Variants in CDCA7L observed in about 807,000 individuals in gnomAD.
CDCA7L encodes the protein cell division cycle-associated 7-like protein.
Under a neutral mutation model 57.4 loss-of-function variants are expected in CDCA7L, and 44 were observed. That is an observed-to-expected ratio of 0.77 (90% CI 0.60 to 0.98). The LOEUF is 0.98. Ranked by LOEUF, CDCA7L falls within the 50% of genes least tolerant of loss-of-function variation. CDCA7L has a pLI of 0.00. For synonymous variants in CDCA7L, 236 were observed against 202.8 expected (o/e 1.16, Z -1.39); for missense variants, 644 against 580.6 (o/e 1.11, Z -1.12).
In CDCA7L at chr7:21,908,464, A is replaced by C; in HGVS notation, c.347T>G (p.Val116Gly). 6.4e-7 allele frequency: 1 copy of C among 1,552,810 alleles called. No homozygotes were observed. Among genetic ancestry groups the C allele is most frequent in the Non-Finnish European group, 8.6e-7 (1 of 1,157,226 alleles). Residue 116 changes from valine to glycine, a missense_variant, in exon 4 of 10, where the codon GTG becomes GGG. Coordinates refer to ENST00000406877, the MANE Select transcript of CDCA7L (RefSeq NM_018719.5). Reference protein sequence around the residue: ...DLSDDGKASLVSEEEEDEEED... With the variant: ...DLSDDGKASLGSEEEEDEEED... ...TTCTTCATCTTCCTCTTCCTCGCTC[A>C]CCAAAGATGCTTTGCCATCATCACT...
At chr7:21,919,248 A>G (rs1003320997) in intron 1 of CDCA7L, among the ~76,000 whole-genome samples, 7 of 152,242 alleles carry the variant, frequency 4.6e-5, no homozygotes, top group Middle Eastern at 3.4e-3. Context: ...ATGTATATCC[A>G]TGGATTTCTA....
At chr7:21,926,999 C>G (rs1164620502) in intron 1 of CDCA7L, among the ~76,000 whole-genome samples, 1 of 152,184 alleles carries the variant, frequency 6.6e-6, no homozygotes, top group Admixed American at 6.5e-5. Flanking sequence ...CTTCAGTTTT[C>G]AGGGTCAGAA....
chr7:21,936,472 G>T (rs1786169514), intron 1 of CDCA7L, among the ~76,000 whole-genome samples: 1 of 152,068 alleles, frequency 6.6e-6, no homozygotes, highest in Non-Finnish European at 1.5e-5. Context: ...GATTATACAA[G>T]ATCACCAAGT....
chr7:21,904,301 C>CTGATGCCCAA, intron 7 of CDCA7L, 42 bp from the exon 8 acceptor site: 1 of 1,535,044 alleles, frequency 6.5e-7, no homozygotes, highest in East Asian at 2.3e-5. Flanking sequence ...CAGGGATATG[C>CTGATGCCCAA]TGATGCCCAA....
intron 1 of CDCA7L, among the ~76,000 whole-genome samples, chr7:21,943,401 T>C (rs1188491529): frequency 1.3e-5 from 2 of 152,250 alleles, no homozygotes; most frequent in South Asian, 2.1e-4. Context: ...GAAATTATAC[T>C]TACTCCAATG....
intron 1 of CDCA7L, among the ~76,000 whole-genome samples, chr7:21,933,230 GAA>G (rs1465072565): frequency 6.6e-6 from 1 of 152,202 alleles, no homozygotes; most frequent in African/African-American, 2.4e-5. Flanking sequence ...AACCATTGCA[GAA>G]GACAGTGTGG....
chr7:21,908,117 C>A lies in CDCA7L; in HGVS notation c.681+13G>T, dbSNP rs931543146. 4.6e-6 allele frequency: 7 copies of A among 1,509,750 alleles called. No individual in the cohort carries two copies. The highest frequency in any genetic ancestry group is 6.1e-6 in the Non-Finnish European group (7 of 1,140,486). 93.5% of individuals were successfully genotyped at this position (1,509,750 alleles called of 1,614,324 possible). On this transcript the variant is annotated intron_variant, in intron 4 of 9. Coordinates refer to ENST00000406877, the MANE Select transcript of CDCA7L (RefSeq NM_018719.5). ...TGGTGCCAACTCCCAGGACGCCCTC[C>A]GTGAAGCCTCACCATGGCTTTGTTC... is the stretch of plus-strand genomic sequence containing the variant.
At chr7:21,931,121 T>C (rs1785995659) in intron 1 of CDCA7L, among the ~76,000 whole-genome samples, 1 of 152,156 alleles carries the variant, frequency 6.6e-6, no homozygotes, top group Non-Finnish European at 1.5e-5. Context: ...AGTTCTGAAA[T>C]TGGGGCAGTA....
rs958424382 is a variant in CDCA7L, at chr7:21,902,160, T to TCTTTG, written c.*157_*161dup. ...TCTGCTCTGCTGTCTTCCTGAGAAATCTTTGTAAGCATATAAACAATCTTT... is the reference window on the plus strand; with the variant it reads ...TCTGCTCTGCTGTCTTCCTGAGAAATCTTTGCTTTGTAAGCATATAAACAATCTTT... On this transcript the variant is annotated 3_prime_UTR_variant, in exon 10 of 10. Coordinates refer to ENST00000406877, the MANE Select transcript of CDCA7L (RefSeq NM_018719.5). 4.3e-6 allele frequency: 3 copies of TCTTTG among 701,680 alleles called. No homozygotes were observed. The highest frequency in any genetic ancestry group is 7.5e-6 in the Non-Finnish European group (3 of 401,128). 43.5% of individuals were successfully genotyped at this position (701,680 alleles called of 1,614,324 possible). A position where few individuals can be genotyped will look rare whatever the true frequency, so the allele number is the denominator to read the frequency against.
rs768975435 is a variant in CDCA7L, at chr7:21,924,898, CAAAT to C, written c.25-8008_25-8005del. Among the ~76,000 whole-genome samples, 4 of 152,040 alleles carry C rather than the reference CAAAT, an allele frequency of 2.6e-5. No individual in the cohort carries two copies. The South Asian group carries it at 6.2e-4, about 24-fold the overall frequency. On this transcript the variant is annotated intron_variant, in intron 1 of 9. Coordinates refer to ENST00000406877, the MANE Select transcript of CDCA7L (RefSeq NM_018719.5). ...TTCTCATAATTCAATAAAAAGAAAA[CAAAT>C]AAATCAGATGGTCGACGAGTTAAAT...
At chr7:21,940,380 G>A (rs985352886) in intron 1 of CDCA7L, 105 of 820,298 alleles carry the variant, frequency 1.3e-4, no homozygotes, top group Non-Finnish European at 3.1e-5. Context: ...ATACTACTTT[G>A]CCCTTCCATC....
rs759666563 is a variant in CDCA7L at position 21,906,418 on chromosome 7, C to T, written c.792G>A (p.Gln264=). 1 of 1,612,234 alleles carries T rather than the reference C, an allele frequency of 6.2e-7. No individual in the cohort carries two copies. Among genetic ancestry groups the T allele is most frequent in the Non-Finnish European group, 8.5e-7 (1 of 1,178,942 alleles). The change falls in exon 6 of 10, where the codon CAG becomes CAA. Residue 264 remains glutamine (Q), a synonymous_variant. Transcript: ENST00000406877. Reference sequence around the variant, plus strand: ...GGGTTGGGTTCATACGCCGCGTGATCTGTCCCTCCGAGAAGGCCCGCCTCA... The same window carrying T: ...GGGTTGGGTTCATACGCCGCGTGATTTGTCCCTCCGAGAAGGCCCGCCTCA... ...KTVRRAFSEG[Q]ITRRMNPTRS...
At chr7:21,930,184 C>T (rs1206323996) in intron 1 of CDCA7L, among the ~76,000 whole-genome samples, 1 of 152,184 alleles carries the variant, frequency 6.6e-6, no homozygotes, top group Non-Finnish European at 1.5e-5. Flanking sequence ...CGCACAACTA[C>T]ATTGAAACTG....
intron 1 of CDCA7L, among the ~76,000 whole-genome samples, chr7:21,925,609 G>T (rs189929325): frequency 3.2e-4 from 48 of 152,304 alleles, no homozygotes; most frequent in African/African-American, 1.0e-3. Context: ...GGATTATCAG[G>T]CCAAGTGTGG....
At chr7:21,913,752 C>T (rs2128060805) in intron 2 of CDCA7L, among the ~76,000 whole-genome samples, 1 of 152,334 alleles carries the variant, frequency 6.6e-6, no homozygotes, top group South Asian at 2.1e-4. Flanking sequence ...CTATTTTGAT[C>T]CTGTGTGCTG....
intron 1 of CDCA7L, among the ~76,000 whole-genome samples, chr7:21,941,830 T>G (rs1786349970): frequency 6.6e-6 from 1 of 152,226 alleles, no homozygotes; most frequent in African/African-American, 2.4e-5. Context: ...TGATAACTTT[T>G]AAGTACTTAG....
chr7:21,937,639 TA>T (rs1201469968), intron 1 of CDCA7L, among the ~76,000 whole-genome samples: 2 of 142,866 alleles, frequency 1.4e-5, no homozygotes, highest in Non-Finnish European at 3.0e-5. Flanking sequence ...CTCCATCCCT[TA>T]AAAAAGAAAA....
rs1402918659 is a variant in CDCA7L at position 21,911,597 on chromosome 7, CTT to C, written c.303+18_303+19del. ...ATTAAAAACGTTACCACCCACATCCCTTCCTGTTGTAATTATTACCATTACTT... is the reference window on the plus strand; with the variant it reads ...ATTAAAAACGTTACCACCCACATCCCCCTGTTGTAATTATTACCATTACTT... On this transcript the variant is annotated intron_variant, in intron 3 of 9. Coordinates refer to ENST00000406877, the MANE Select transcript of CDCA7L (RefSeq NM_018719.5). 1.2e-6 allele frequency: 2 copies of C among 1,602,022 alleles called. No homozygotes were observed. The highest frequency in any genetic ancestry group is 1.7e-6 in the Non-Finnish European group (2 of 1,176,286).
intron 9 of CDCA7L, 83 bp from the exon 10 acceptor site, chr7:21,902,435 T>G (rs573712318): frequency 7.4e-7 from 1 of 1,352,156 alleles, no homozygotes; most frequent in African/African-American, 1.4e-5. Flanking sequence ...CACAATCATC[T>G]AAGAGTACAA....
Sources: allele counts gnomAD v4.1 joint callset (sites outside exome capture counted in the v4.1 genomes callset), GRCh38; gene constraint gnomAD v4.1.1; transcripts MANE v1.5; gene names NCBI Gene and HGNC (gene_info 2026-07-23, HGNC 2026-07-21).